The following KCNH7 variants were observed in gnomAD, a reference collection of about 807,000 sequenced individuals.
KCNH7 encodes the protein voltage-gated inwardly rectifying potassium channel KCNH7.
In KCNH7, 49 loss-of-function variants were observed where a neutral mutation model predicts 120.8. That is an observed-to-expected ratio of 0.41 (90% CI 0.32 to 0.51). KCNH7 has a LOEUF of 0.51. Among genes scored for constraint, KCNH7 ranks in the 20% least tolerant of loss-of-function variants. The pLI is 0.38. For synonymous variants in KCNH7, 547 were observed against 516.1 expected, an observed-to-expected ratio of 1.06 and a Z score of -0.81; for missense variants, 1,097 against 1,446.6, an observed-to-expected ratio of 0.76 and a Z score of 3.92.
intron 6 of KCNH7, among the ~76,000 whole-genome samples, chr2:162,455,954 T>C (rs1184006039): frequency 6.6e-6 from 1 of 152,158 alleles, no homozygotes; most frequent in Non-Finnish European, 1.5e-5. Context: ...TGTTCTTATC[T>C]TAGTTATTTC....
At chr2:162,472,710 A>T (rs959328040) in intron 6 of KCNH7, among the ~76,000 whole-genome samples, 8 of 152,196 alleles carry the variant, frequency 5.3e-5, no homozygotes, top group African/African-American at 1.7e-4. Context: ...AACTAGAAAT[A>T]CCATTTGACC....
At chr2:162,731,410 AG>A (rs942676430) in intron 2 of KCNH7, among the ~76,000 whole-genome samples, 4 of 151,758 alleles carry the variant, frequency 2.6e-5, no homozygotes, top group Admixed American at 2.6e-4. Context: ...AAGGTAAAAA[AG>A]AAAACCTAAA....
chr2:162,390,813 A>G (rs1355150142), intron 12 of KCNH7, among the ~76,000 whole-genome samples: 1 of 152,030 alleles, frequency 6.6e-6, no homozygotes, highest in Admixed American at 6.6e-5. Context: ...AAAAATGTAT[A>G]GCTCATGAGA....
At chr2:162,618,509 A>T (rs925853227) in intron 2 of KCNH7, among the ~76,000 whole-genome samples, 1 of 152,174 alleles carries the variant, frequency 6.6e-6, no homozygotes, top group African/African-American at 2.4e-5. Context: ...GTTTAAAAAA[A>T]ACCCCAAGTA....
chr2:162,811,093 A>T (rs182744932), intron 2 of KCNH7, among the ~76,000 whole-genome samples: 82 of 152,278 alleles, frequency 5.4e-4, no homozygotes, highest in Non-Finnish European at 9.4e-4. Flanking sequence ...TACAAAGTAA[A>T]TACATTATAG....
intron 2 of KCNH7, among the ~76,000 whole-genome samples, chr2:162,606,615 C>T (rs935151962): frequency 2.6e-5 from 4 of 152,086 alleles, no homozygotes; most frequent in African/African-American, 7.2e-5. Flanking sequence ...CCTTCCACCT[C>T]GCTATGTATC....
chr2:162,444,793 C>T (rs886842878), intron 7 of KCNH7, among the ~76,000 whole-genome samples: 1 of 152,046 alleles, frequency 6.6e-6, no homozygotes, highest in Non-Finnish European at 1.5e-5. Flanking sequence ...AGAAATATTT[C>T]ACTCTCTTTT....
chr2:162,744,913 A>G (rs978624889), intron 2 of KCNH7, among the ~76,000 whole-genome samples: 1 of 152,146 alleles, frequency 6.6e-6, no homozygotes, highest in Non-Finnish European at 1.5e-5. Flanking sequence ...TGATTCCAGA[A>G]ACAAGATTGG....
chr2:162,552,146 C>T (rs1009937577), intron 2 of KCNH7, among the ~76,000 whole-genome samples: 13 of 152,168 alleles, frequency 8.5e-5, no homozygotes, highest in African/African-American at 3.1e-4. Flanking sequence ...GGGTAGCAAT[C>T]ATTGTCCCAA....
intron 9 of KCNH7, among the ~76,000 whole-genome samples, chr2:162,411,470 GA>G (rs1687391166): frequency 6.6e-6 from 1 of 151,956 alleles, no homozygotes; most frequent in Admixed American, 6.6e-5. Flanking sequence ...GAGGGAGGGT[GA>G]AAAGGAAGAG....
intron 2 of KCNH7, among the ~76,000 whole-genome samples, chr2:162,548,979 G>A (rs1692574630): frequency 6.6e-6 from 1 of 152,104 alleles, no homozygotes; most frequent in Admixed American, 6.5e-5. Flanking sequence ...TGATTAACTG[G>A]GGAGTGGGGA....
chr2:162,670,757 A>T (rs981206091), intron 2 of KCNH7, among the ~76,000 whole-genome samples: 2 of 151,952 alleles, frequency 1.3e-5, no homozygotes, highest in Non-Finnish European at 1.5e-5. Context: ...TTTAAAAAAC[A>T]CAAGAAAGGT....
intron 2 of KCNH7, among the ~76,000 whole-genome samples, chr2:162,766,831 CTG>C (rs1559123451): frequency 6.6e-5 from 10 of 150,590 alleles, no homozygotes; most frequent in Non-Finnish European, 1.2e-4. Flanking sequence ...AATCTGTGCT[CTG>C]TGTGTCCTTC....
chr2:162,471,006 G>A (rs1165267102), intron 6 of KCNH7, among the ~76,000 whole-genome samples: 2 of 152,104 alleles, frequency 1.3e-5, no homozygotes, highest in African/African-American at 4.8e-5. Flanking sequence ...TGGATTAAGG[G>A]CGGTGCAAGA....
chr2:162,783,148 A>G (rs170046), intron 2 of KCNH7, among the ~76,000 whole-genome samples: 150,490 of 152,268 alleles, frequency 0.99, 74,390 homozygotes, highest in Middle Eastern at 1. Context: ...TCCTACAGAC[A>G]TCTCTACAAG....
intron 3 of KCNH7, among the ~76,000 whole-genome samples, chr2:162,530,681 A>G (rs1013863580): frequency 6.6e-6 from 1 of 152,040 alleles, no homozygotes; most frequent in East Asian, 1.9e-4. Context: ...TTTGAAGGTT[A>G]AGATGTGTCT....
At chr2:162,702,259 A>G (rs2105345165) in intron 2 of KCNH7, among the ~76,000 whole-genome samples, 1 of 152,284 alleles carries the variant, frequency 6.6e-6, no homozygotes, top group East Asian at 1.9e-4. Context: ...AATCAGACAA[A>G]GCTAGATCTC....
chr2:162,570,578 G>A (rs1168333328), intron 2 of KCNH7, among the ~76,000 whole-genome samples: 1 of 152,004 alleles, frequency 6.6e-6, no homozygotes, highest in African/African-American at 2.4e-5. Flanking sequence ...TCATTATGAT[G>A]TTAGCTGGTT....
intron 2 of KCNH7, among the ~76,000 whole-genome samples, chr2:162,613,476 A>G (rs1023003774): frequency 1.3e-5 from 2 of 152,076 alleles, no homozygotes; most frequent in Non-Finnish European, 2.9e-5. Context: ...GTTACTAAGA[A>G]TAAAATTATC....
Sources: allele counts gnomAD v4.1 joint callset (sites outside exome capture counted in the v4.1 genomes callset), GRCh38; gene constraint gnomAD v4.1.1; transcripts MANE v1.5; gene names NCBI Gene and HGNC (gene_info 2026-07-23, HGNC 2026-07-21).